The following SLMAP variants were observed in gnomAD, a reference collection of about 807,000 sequenced individuals.
SLMAP encodes the protein sarcolemma associated protein.
SLMAP carries 44 observed loss-of-function variants against 128.8 expected under a neutral mutation model. The ratio of observed to expected loss-of-function variants is 0.34; its 90% CI spans 0.27 to 0.44. The LOEUF (loss-of-function observed/expected upper bound fraction) is 0.44, where lower values mean the gene tolerates loss of function less well. Ranked by LOEUF, SLMAP falls within the 20% of genes least tolerant of loss-of-function variation. The pLI is 1.00. For synonymous variants in SLMAP, 327 were observed against 348.8 expected, an observed-to-expected ratio of 0.94 and a Z score of 0.70; for missense variants, 787 against 985.3, an observed-to-expected ratio of 0.80 and a Z score of 2.69.
At chr3:57,777,106 G>C (rs2082102113) in intron 2 of SLMAP, among the ~76,000 whole-genome samples, 1 of 137,790 alleles carries the variant, frequency 7.3e-6, no homozygotes, top group South Asian at 2.5e-4. Context: ...ACTTTTTTTG[G>C]GGGGAGGGGG....
In SLMAP at chr3:57,824,116, A is replaced by G. The variant is rs531949941; in HGVS notation, c.199-7267A>G. On this transcript the variant is annotated intron_variant, in intron 2 of 24. Coordinates refer to ENST00000671191, the MANE Select transcript of SLMAP (RefSeq NM_001377540.1). The stretch of plus-strand genomic sequence containing the variant: ...TATCAATGGGAAACATAGTACAGAG[A>G]TGAAAATTATAAAAAATATAATTCA... Among the ~76,000 whole-genome samples, 30 of 152,374 alleles carry G rather than the reference A, an allele frequency of 2.0e-4. 1 individual carries two copies. In the South Asian group the frequency reaches 4.6e-3, roughly 23 times the overall value.
intron 14 of SLMAP, 89 bp downstream of exon 14, chr3:57,871,787 T>C (rs1386113201): frequency 3.1e-6 from 3 of 967,142 alleles, no homozygotes; most frequent in East Asian, 4.8e-5. Context: ...CTCAATGTGT[T>C]TGTTATAGCA....
chr3:57,867,078 C>A (rs2095324987), intron 13 of SLMAP, among the ~76,000 whole-genome samples: 1 of 152,158 alleles, frequency 6.6e-6, no homozygotes. Flanking sequence ...CTCTAGGAGG[C>A]TGAGGCAGGA....
At chr3:57,920,239 TC>T (rs2096891960) in intron 22 of SLMAP, among the ~76,000 whole-genome samples, 1 of 152,234 alleles carries the variant, frequency 6.6e-6, no homozygotes, top group Non-Finnish European at 1.5e-5. Context: ...GATCTTCACA[TC>T]AACTGAAAAA....
intron 17 of SLMAP, among the ~76,000 whole-genome samples, chr3:57,906,606 C>T (rs2096571285): frequency 6.8e-6 from 1 of 146,820 alleles, no homozygotes; most frequent in Admixed American, 6.8e-5. Context: ...CATGAACCAC[C>T]GCGCCTAGGC....
At chr3:57,809,856 T>A (rs902489561) in intron 2 of SLMAP, among the ~76,000 whole-genome samples, 6 of 152,194 alleles carry the variant, frequency 3.9e-5, no homozygotes, top group Non-Finnish European at 8.8e-5. Flanking sequence ...AAAGCTCCTC[T>A]TTGCCTTGCT....
intron 19 of SLMAP, among the ~76,000 whole-genome samples, chr3:57,910,429 A>G (rs1174049236): frequency 6.6e-6 from 1 of 152,022 alleles, no homozygotes; most frequent in Non-Finnish European, 1.5e-5. Context: ...TGATCCACCC[A>G]CCTTGGCCTC....
intron 14 of SLMAP, among the ~76,000 whole-genome samples, chr3:57,882,445 T>C (rs1055602693): frequency 1.3e-5 from 2 of 152,172 alleles, no homozygotes; most frequent in Non-Finnish European, 2.9e-5. Flanking sequence ...CTGGAGAAAG[T>C]GTGTGAAATA....
chr3:57,831,364 T>A lies in SLMAP; in HGVS notation c.199-19T>A. ...ACTATTAATATTTGGCCCTTTTTTG[T>A]TTTTGTTTTTTTTTGCAGTTTTATC... On this transcript the variant is annotated intron_variant, in intron 2 of 24. Transcript: ENST00000671191. The A allele has an allele frequency of 6.9e-7, 1 of 1,459,606 alleles. No homozygotes were observed. The allele number at this position is 1,459,606 out of a possible 1,614,324, so 90.4% of individuals were successfully genotyped here. A position where few individuals can be genotyped will look rare whatever the true frequency, so the allele number is the denominator to read the frequency against.
chr3:57,798,000 G>A (rs1323346958), intron 2 of SLMAP, among the ~76,000 whole-genome samples: 1 of 152,182 alleles, frequency 6.6e-6, no homozygotes, highest in African/African-American at 2.4e-5. Flanking sequence ...TTTTTCATTT[G>A]TAAAGTGCAG....
chr3:57,915,172 GT>G, intron 21 of SLMAP, among the ~76,000 whole-genome samples: 1 of 152,110 alleles, frequency 6.6e-6, no homozygotes, highest in East Asian at 1.9e-4. Context: ...TCGGCCGAAA[GT>G]ATTGATATTT....
intron 22 of SLMAP, among the ~76,000 whole-genome samples, chr3:57,921,128 G>A (rs990235838): frequency 6.6e-6 from 1 of 152,128 alleles, no homozygotes; most frequent in Admixed American, 6.6e-5. Flanking sequence ...CGTGTAAGAT[G>A]CTGTATCTAG....
chr3:57,910,607 GA>G (rs1420918320), intron 19 of SLMAP, among the ~76,000 whole-genome samples: 1 of 152,142 alleles, frequency 6.6e-6, no homozygotes, highest in African/African-American at 2.4e-5. Context: ...GGTTATTACA[GA>G]AATTTCCAGA....
chr3:57,794,585 C>A (rs1290115107), intron 2 of SLMAP, among the ~76,000 whole-genome samples: 1 of 151,974 alleles, frequency 6.6e-6, no homozygotes, highest in Non-Finnish European at 1.5e-5. Flanking sequence ...TAGCAGTCAC[C>A]CCCCCATTTT....
At chr3:57,773,478 A>G (rs1346963210) in intron 2 of SLMAP, among the ~76,000 whole-genome samples, 2 of 152,224 alleles carry the variant, frequency 1.3e-5, no homozygotes, top group Admixed American at 6.5e-5. Context: ...AAACCTATCC[A>G]TGACTATGTT....
chr3:57,892,162 C>G (rs1458675676), intron 15 of SLMAP, among the ~76,000 whole-genome samples: 3 of 152,110 alleles, frequency 2.0e-5, no homozygotes, highest in African/African-American at 7.2e-5. Context: ...AACCAGATGG[C>G]TGAAATAAGT....
intron 2 of SLMAP, among the ~76,000 whole-genome samples, chr3:57,770,300 G>T (rs932097784): frequency 2.0e-5 from 3 of 152,200 alleles, no homozygotes; most frequent in African/African-American, 4.8e-5. Context: ...AGGATTGGGG[G>T]CAGAAAATGT....
rs2097042720 is a variant in SLMAP, at chr3:57,928,611, TAA to T, written c.*1324_*1325del. The stretch of plus-strand genomic sequence containing the variant: ...TTGTGCGGCATCATAGTTATGTCAA[TAA>T]AGTTTATTTAGGTCATAGAATATCC... On this transcript the variant is annotated 3_prime_UTR_variant, in exon 25 of 25. Coordinates refer to ENST00000671191, the MANE Select transcript of SLMAP (RefSeq NM_001377540.1). 6.6e-6 allele frequency: 1 copy of T among 152,174 alleles called. No individual in the cohort carries two copies. Among genetic ancestry groups the T allele is most frequent in the Admixed American group, 6.5e-5 (1 of 15,274 alleles). 9.4% of individuals were successfully genotyped at this position (152,174 alleles called of 1,614,324 possible). A position where few individuals can be genotyped will look rare whatever the true frequency, so the allele number is the denominator to read the frequency against.
At chr3:57,923,518 T>TGA (rs1439379346) in intron 23 of SLMAP, among the ~76,000 whole-genome samples, 2 of 152,174 alleles carry the variant, frequency 1.3e-5, no homozygotes, top group African/African-American at 2.4e-5. Context: ...TGTAGGGCTG[T>TGA]GAGAGAGAGA....
Sources: gnomAD v4.1 joint callset for allele counts (sites outside exome capture counted in the v4.1 genomes callset) on GRCh38, gnomAD v4.1.1 for gene constraint, MANE v1.5 for transcripts, NCBI Gene and HGNC (gene_info 2026-07-23, HGNC 2026-07-21) for gene names.